Variants in NOSTRIN observed in about 807,000 individuals in gnomAD.
NOSTRIN encodes nitric oxide synthase trafficking, also known as BM247 homolog.
A neutral mutation model predicts 59.0 loss-of-function variants in NOSTRIN; 63 were observed. The observed-to-expected ratio is 1.07, with a 90% CI of 0.87 to 1.32. The LOEUF is 1.32. NOSTRIN is among the 40% of genes most tolerant of loss of function. The pLI, the probability that NOSTRIN is intolerant of heterozygous loss-of-function variation, is 0.00. For synonymous variants in NOSTRIN, 200 were observed against 165.4 expected, an observed-to-expected ratio of 1.21 and a Z score of -1.61; for missense variants, 512 against 473.1, an observed-to-expected ratio of 1.08 and a Z score of -0.76.
At chr2:168,841,019 G>A (rs1049943555) in intron 7 of NOSTRIN, among the ~76,000 whole-genome samples, 25 of 152,116 alleles carry the variant, frequency 1.6e-4, no homozygotes, top group African/African-American at 5.8e-4. Flanking sequence ...TTGGGAGGCT[G>A]AGGTAGACAG....
At chr2:168,861,872 C>T (rs1311931187) in intron 14 of NOSTRIN, 88 bp from the exon 15 acceptor site, 4 of 1,165,984 alleles carry the variant, frequency 3.4e-6, no homozygotes, top group African/African-American at 3.1e-5. Context: ...TGAAACTCTG[C>T]ATCACACTGT....
chr2:168,823,858 C>T (rs1031081638), intron 2 of NOSTRIN, among the ~76,000 whole-genome samples: 1 of 152,180 alleles, frequency 6.6e-6, no homozygotes, highest in East Asian at 1.9e-4. Context: ...GGGTGGGTCA[C>T]CTGAGGTCAG....
At chr2:168,816,184 C>T (rs184171070) in intron 2 of NOSTRIN, among the ~76,000 whole-genome samples, 14 of 152,278 alleles carry the variant, frequency 9.2e-5, no homozygotes, top group Admixed American at 9.2e-4. Context: ...TCTGACAGAG[C>T]TGTGCCCCTT....
chr2:168,837,457 C>T (rs1430308563), intron 7 of NOSTRIN, among the ~76,000 whole-genome samples: 3 of 151,594 alleles, frequency 2.0e-5, no homozygotes, highest in South Asian at 2.1e-4. Flanking sequence ...CTACAGGCCC[C>T]GCCACCACAC....
chr2:168,789,685 G>A (rs1685297446), intron 2 of NOSTRIN, among the ~76,000 whole-genome samples: 2 of 152,182 alleles, frequency 1.3e-5, no homozygotes, highest in South Asian at 4.1e-4. Flanking sequence ...GGTTAATTGG[G>A]AGGCTACTAC....
intron 8 of NOSTRIN, among the ~76,000 whole-genome samples, chr2:168,844,544 A>G (rs508423): frequency 0.64 from 97,555 of 151,976 alleles, 32,349 homozygotes; most frequent in African/African-American, 0.81. Flanking sequence ...ACATTATGAG[A>G]ACATTGAGGC....
At chr2:168,811,900 C>G (rs865799156) in intron 2 of NOSTRIN, 3 of 323,974 alleles carry the variant, frequency 9.3e-6, no homozygotes, top group African/African-American at 6.5e-5. Flanking sequence ...ATTCCTCAGA[C>G]TGGGTTTATT....
chr2:168,861,519 C>G (rs1026361215), intron 14 of NOSTRIN, among the ~76,000 whole-genome samples: 2 of 151,422 alleles, frequency 1.3e-5, no homozygotes, highest in African/African-American at 4.9e-5. Flanking sequence ...AAAACCAGGA[C>G]ATTATGGTTC....
At chr2:168,840,216 G>A (rs1221964706) in intron 7 of NOSTRIN, among the ~76,000 whole-genome samples, 1 of 151,842 alleles carries the variant, frequency 6.6e-6, no homozygotes, top group South Asian at 2.1e-4. Flanking sequence ...GACACATGTG[G>A]TTCATTAAAC....
chr2:168,859,350 T>C, intron 12 of NOSTRIN, 162 bp from the exon 13 acceptor site: 1 of 1,053,584 alleles, frequency 9.5e-7, no homozygotes, highest in East Asian at 2.7e-5. Flanking sequence ...AAAGAGTTTA[T>C]TCCTCCATTT....
chr2:168,841,354 C>T (rs1688099108), intron 7 of NOSTRIN, among the ~76,000 whole-genome samples: 3 of 149,866 alleles, frequency 2.0e-5, no homozygotes, highest in African/African-American at 7.4e-5. Flanking sequence ...TTTTCAGAAA[C>T]ATGAAATTAC....
intron 3 of NOSTRIN, 32 bp downstream of exon 3, chr2:168,824,749 A>G (rs1164690850): frequency 2.5e-6 from 2 of 809,320 alleles, no homozygotes; most frequent in South Asian, 2.8e-5. Context: ...AGGCAAAATC[A>G]ACCCTTTTTT....
At chr2:168,786,550 C>A (rs1350960066) in exon 1 of NOSTRIN, 1 of 152,108 alleles carries the variant, frequency 6.6e-6, no homozygotes, top group Non-Finnish European at 1.5e-5. Flanking sequence ...CGCATGCAGC[C>A]CTTCCCAAGC....
At chr2:168,788,240 CAAAA>C (rs5836201) in intron 2 of NOSTRIN, among the ~76,000 whole-genome samples, 8 of 126,866 alleles carry the variant, frequency 6.3e-5, no homozygotes, top group Non-Finnish European at 8.4e-5. Context: ...GATCCTACCT[CAAAA>C]AAAAAAAAAA....
intron 8 of NOSTRIN, among the ~76,000 whole-genome samples, chr2:168,844,854 A>G (rs967887729): frequency 1.4e-4 from 20 of 147,794 alleles, no homozygotes; most frequent in Admixed American, 1.2e-3. Context: ...TAGGCGACAG[A>G]GCAAGACTCC....
intron 2 of NOSTRIN, among the ~76,000 whole-genome samples, chr2:168,815,691 C>T (rs1358188611): frequency 6.6e-6 from 1 of 152,168 alleles, no homozygotes; most frequent in Admixed American, 6.5e-5. Flanking sequence ...CCTTAACTCC[C>T]ACAGCTTTAG....
chr2:168,863,250 A>G, intron 15 of NOSTRIN: 1 of 248,590 alleles, frequency 4.0e-6, no homozygotes, highest in Non-Finnish European at 6.4e-6. Context: ...TCTTGTTAAT[A>G]GATTATGTCA....
chr2:168,791,925 G>C (rs57966954), intron 2 of NOSTRIN, among the ~76,000 whole-genome samples: 36 of 152,076 alleles, frequency 2.4e-4, no homozygotes, highest in African/African-American at 8.4e-4. Context: ...TTCTCCCATT[G>C]TGTAGGTTGC....
intron 3 of NOSTRIN, 44 bp downstream of exon 3, chr2:168,824,761 A>ATTGTTT (rs1686959750): frequency 6.3e-6 from 3 of 478,502 alleles, no homozygotes; most frequent in South Asian, 6.1e-5. Context: ...CCCTTTTTTT[A>ATTGTTT]TTTGTTTTTT....
Sources: gnomAD v4.1 joint callset for allele counts (sites outside exome capture counted in the v4.1 genomes callset) on GRCh38, gnomAD v4.1.1 for gene constraint, MANE v1.5 for transcripts, NCBI Gene and HGNC (gene_info 2026-07-23, HGNC 2026-07-21) for gene names.